Variants in HYKK observed in about 807,000 individuals in gnomAD.
The protein encoded by HYKK is 5-hydroxy-L-lysine kinase.
Under a neutral mutation model 29.7 loss-of-function variants are expected in HYKK, and 19 were observed. The ratio of observed to expected loss-of-function variants is 0.64; its 90% CI spans 0.45 to 0.94. The LOEUF is 0.94. Ranked by LOEUF, HYKK falls within the 40% of genes least tolerant of loss-of-function variation. HYKK has a pLI of 0.00. For synonymous variants in HYKK, 152 were observed against 158.1 expected, an observed-to-expected ratio of 0.96 and a Z score of 0.29; for missense variants, 390 against 443.4, an observed-to-expected ratio of 0.88 and a Z score of 1.08.
Position 78,513,182 on chromosome 15 carries a change from T to C in HYKK, c.94T>C (p.Leu32=). Residue 32 remains leucine, a synonymous_variant, in exon 2 of 5, where the codon TTG becomes CTG. Coordinates refer to ENST00000388988, the MANE Select transcript of HYKK (RefSeq NM_001013619.4). ...ASALVESVFG[L]KVSKVRPLPS... ...TGCGTTAGTGGAGTCAGTGTTTGGG[T>C]TGAAAGTTTCCAAGGTCCGGCCACT... is the stretch of plus-strand genomic sequence containing the variant. 6.2e-7 allele frequency: 1 copy of C among 1,614,148 alleles called. No individual in the cohort carries two copies. Among genetic ancestry groups the C allele is most frequent in the Non-Finnish European group, 8.5e-7 (1 of 1,180,006 alleles).
intron 3 of HYKK, among the ~76,000 whole-genome samples, chr15:78,518,104 C>G (rs1208770869): frequency 6.6e-6 from 1 of 152,226 alleles, no homozygotes; most frequent in Non-Finnish European, 1.5e-5. Context: ...CTCAGAGAGT[C>G]CTCTGGGCTC....
At position 78,533,524 on chromosome 15, in the gene HYKK, C is replaced by G. The variant is rs1222734767; in HGVS notation, c.976C>G (p.Leu326Val). Residue 326 changes from leucine to valine, a missense_variant, in exon 5 of 5, where the codon CTA becomes GTA. Coordinates refer to ENST00000388988, the MANE Select transcript of HYKK (RefSeq NM_001013619.4). ...TGTCATGGCTGCATACTCTTGCCAG[C>G]TATACCCAGAGAACAAAGACTATCT... ...SLVMAAYSCQ[L>V]YPENKDYLMV... 3 of 1,614,192 alleles carry G rather than the reference C, an allele frequency of 1.9e-6. No individual in the cohort carries two copies. Among genetic ancestry groups the G allele is most frequent in the Non-Finnish European group, 2.5e-6 (3 of 1,180,026 alleles).
rs1471971904 is a variant in HYKK at position 78,519,721 on chromosome 15, A to T, written c.477+4614A>T. 2.0e-5 allele frequency among the ~76,000 whole-genome samples: 3 copies of T among 152,218 alleles called. No homozygotes were observed. The East Asian group carries it at 5.8e-4, about 29-fold the overall frequency. On this transcript the variant is annotated intron_variant, in intron 3 of 4. Coordinates refer to ENST00000388988, the MANE Select transcript of HYKK (RefSeq NM_001013619.4). ...GGTTGCAGTGAGGCGAGACCGCACCACTGCACTCCAGCCTGGGTGAAAGAG... is the reference window on the plus strand; with the variant it reads ...GGTTGCAGTGAGGCGAGACCGCACCTCTGCACTCCAGCCTGGGTGAAAGAG...
chr15:78,526,930 G>A (rs940821595), intron 3 of HYKK, among the ~76,000 whole-genome samples: 1 of 152,120 alleles, frequency 6.6e-6, no homozygotes, highest in Non-Finnish European at 1.5e-5. Flanking sequence ...TTCTGAAGCA[G>A]CACATCTCTT....
At chr15:78,522,340 A>T (rs1254863600) in intron 3 of HYKK, among the ~76,000 whole-genome samples, 1 of 152,100 alleles carries the variant, frequency 6.6e-6, no homozygotes, top group Non-Finnish European at 1.5e-5. Context: ...ACAAAAGAGA[A>T]GACTCCGGTT....
chr15:78,515,844 T>C (rs2052127772), intron 3 of HYKK, among the ~76,000 whole-genome samples: 1 of 152,144 alleles, frequency 6.6e-6, no homozygotes, highest in South Asian at 2.1e-4. Context: ...CGCCTCGGCC[T>C]CCCAAAGTGC....
In HYKK at chr15:78,533,597, A is replaced by T. The variant is rs773052979; in HGVS notation, c.1049A>T (p.Asp350Val). The T allele has an allele frequency of 1.2e-6, 2 of 1,614,242 alleles. No homozygotes were observed. Among genetic ancestry groups the T allele is most frequent in the Non-Finnish European group, 1.7e-6 (2 of 1,180,040 alleles). ...TGWKHLQQMF[D>V]MGQKAVEEIW... is the part of the protein sequence containing the mutation. The stretch of plus-strand genomic sequence containing the variant: ...TGGAAACACTTACAGCAAATGTTTG[A>T]CATGGGTCAGAAAGCTGTAGAAGAA... The change falls in exon 5 of 5, where the codon GAC (aspartate) becomes GTC (valine). Residue 350 changes from aspartate (D) to valine (V), a missense_variant. Transcript: ENST00000388988.
chr15:78,527,793 C>T (rs968922334), intron 4 of HYKK: 29 of 1,208,014 alleles, frequency 2.4e-5, no homozygotes, highest in Non-Finnish European at 2.7e-5. Flanking sequence ...TAAATTTGCA[C>T]ATTACATATG....
At chr15:78,523,433 A>G (rs2052218559) in intron 3 of HYKK, among the ~76,000 whole-genome samples, 1 of 152,104 alleles carries the variant, frequency 6.6e-6, no homozygotes, top group South Asian at 2.1e-4. Context: ...CCATGATCCA[A>G]TCACCTCCTA....
intron 1 of HYKK, among the ~76,000 whole-genome samples, chr15:78,508,844 GAC>G (rs1461754314): frequency 7.2e-6 from 1 of 138,392 alleles, no homozygotes; most frequent in East Asian, 2.1e-4. Flanking sequence ...AGAAGTTCGA[GAC>G]CAGCCTGGGC....
rs1339847633 is a variant in HYKK at position 78,535,667 on chromosome 15, G to C, written c.*1997G>C. The stretch of plus-strand genomic sequence containing the variant: ...GTGAGCCCTACTGGTTTTTAGAATT[G>C]TAGAATTTTAGGAATCTCTGTCTTT... On this transcript the variant is annotated 3_prime_UTR_variant, in exon 5 of 5. Coordinates refer to ENST00000388988, the MANE Select transcript of HYKK (RefSeq NM_001013619.4). 1 of 152,078 alleles carries C rather than the reference G, an allele frequency of 6.6e-6. No individual in the cohort carries two copies. Among genetic ancestry groups the C allele is most frequent in the Non-Finnish European group, 1.5e-5 (1 of 68,010 alleles). 9.4% of individuals were successfully genotyped at this position (152,078 alleles called of 1,614,324 possible). A position where few individuals can be genotyped will look rare whatever the true frequency, so the allele number is the denominator to read the frequency against.
chr15:78,524,905 C>A (rs1191601666), intron 3 of HYKK, among the ~76,000 whole-genome samples: 4 of 152,286 alleles, frequency 2.6e-5, no homozygotes, highest in East Asian at 3.9e-4. Flanking sequence ...CTAAACCATT[C>A]ATAAGAAACC....
chr15:78,517,501 C>T (rs911505133), intron 3 of HYKK, among the ~76,000 whole-genome samples: 1 of 151,974 alleles, frequency 6.6e-6, no homozygotes, highest in Non-Finnish European at 1.5e-5. Flanking sequence ...ATTACTTGAA[C>T]CCAGGAGGTG....
rs372264847 is a variant in HYKK at position 78,513,114 on chromosome 15, C to T, written c.26C>T (p.Ser9Leu). The part of the protein sequence containing the change: MSSGNYQQ[S>L]EALSKPTFSE... The stretch of plus-strand genomic sequence containing the variant: ...ATGTCAAGTGGAAACTATCAGCAGT[C>T]AGAGGCTCTTAGCAAACCCACTTTC... Residue 9 changes from serine (S) to leucine (L), a missense_variant, in exon 2 of 5, where the codon TCA becomes TTA. Ser to Leu is a moderately radical substitution (Grantham distance 145). Coordinates refer to ENST00000388988, the MANE Select transcript of HYKK (RefSeq NM_001013619.4). 1.9e-6 allele frequency: 3 copies of T among 1,612,556 alleles called. No individual in the cohort carries two copies. The highest frequency in any genetic ancestry group is 2.5e-6 in the Non-Finnish European group (3 of 1,178,998).
intron 4 of HYKK, among the ~76,000 whole-genome samples, chr15:78,530,457 A>C (rs779960207): frequency 2.0e-5 from 3 of 152,086 alleles, no homozygotes; most frequent in Non-Finnish European, 2.9e-5. Flanking sequence ...CTTATTGTTC[A>C]TTTCTACTGT....
At chr15:78,509,793 C>T (rs2052053114) in intron 1 of HYKK, among the ~76,000 whole-genome samples, 1 of 152,232 alleles carries the variant, frequency 6.6e-6, no homozygotes, top group African/African-American at 2.4e-5. Flanking sequence ...TGTTTTGAAA[C>T]TCCATTTAGG....
At chr15:78,510,076 T>A (rs2052056641) in intron 1 of HYKK, among the ~76,000 whole-genome samples, 1 of 151,928 alleles carries the variant, frequency 6.6e-6, no homozygotes, top group Non-Finnish European at 1.5e-5. Flanking sequence ...TTCTCTTTTT[T>A]TTTCTTTCTT....
Position 78,510,872 on chromosome 15 carries a change from G to A in HYKK, c.-5-2212G>A, listed in dbSNP as rs141657603. On this transcript the variant is annotated intron_variant, in intron 1 of 4. Coordinates refer to ENST00000388988, the MANE Select transcript of HYKK (RefSeq NM_001013619.4). ...AGCCTAATCAAGATGTAGAACACTT[G>A]CCTCTCAGAAAGTTCTCTCATGCCC... Among the ~76,000 whole-genome samples the A allele has an allele frequency of 4.6e-4, 70 of 151,214 alleles. No homozygotes were observed. In the East Asian group the frequency reaches 0.012, roughly 26 times the overall value.
chr15:78,508,037 G>A (rs1051636591), intron 1 of HYKK, among the ~76,000 whole-genome samples: 2 of 152,124 alleles, frequency 1.3e-5, no homozygotes, highest in Admixed American at 1.3e-4. Context: ...TTACTCATGC[G>A]CCCTCCTCCT....
Sources: allele counts gnomAD v4.1 joint callset (sites outside exome capture counted in the v4.1 genomes callset), GRCh38; gene constraint gnomAD v4.1.1; transcripts MANE v1.5; gene names NCBI Gene and HGNC (gene_info 2026-07-23, HGNC 2026-07-21).